The following UBA6 variants were observed in gnomAD, a reference collection of about 807,000 sequenced individuals.
The protein encoded by UBA6 is ubiquitin-like modifier-activating enzyme 6.
A neutral mutation model predicts 148.3 loss-of-function variants in UBA6; 87 were observed. That is an observed-to-expected ratio of 0.59 (90% confidence interval 0.49 to 0.70). The LOEUF is 0.70. UBA6 is among the 30% of genes least tolerant of loss of function. The pLI is 0.00. For synonymous variants in UBA6, 376 were observed against 401.0 expected, an observed-to-expected ratio of 0.94 and a Z score of 0.75; for missense variants, 1,186 against 1,241.2, an observed-to-expected ratio of 0.96 and a Z score of 0.67.
chr4:67,682,055 A>T, intron 3 of UBA6, 64 bp downstream of exon 3: 2 of 1,216,300 alleles, frequency 1.6e-6, no homozygotes, highest in Non-Finnish European at 2.4e-6. Flanking sequence ...GGATGAAGTT[A>T]AGTTATTTAA....
At chr4:67,691,037 A>T (rs1043507014) in intron 2 of UBA6, among the ~76,000 whole-genome samples, 1 of 152,212 alleles carries the variant, frequency 6.6e-6, no homozygotes, top group Admixed American at 6.5e-5. Context: ...TTAAAAATAT[A>T]GTTGTCCCGT....
intron 20 of UBA6, 67 bp from the exon 21 acceptor site, chr4:67,634,585 T>G: frequency 8.3e-7 from 1 of 1,200,802 alleles, no homozygotes. Flanking sequence ...TGATTTAATC[T>G]AGTTTTGAGC....
At chr4:67,668,901 TAGG>T (rs1190187534) in intron 8 of UBA6, among the ~76,000 whole-genome samples, 2 of 152,166 alleles carry the variant, frequency 1.3e-5, no homozygotes, top group African/African-American at 2.4e-5. Context: ...CTATGTTTGG[TAGG>T]AGATGTTCAA....
At chr4:67,656,110 CAAG>C (rs749506230) in intron 13 of UBA6, among the ~76,000 whole-genome samples, 3 of 152,166 alleles carry the variant, frequency 2.0e-5, no homozygotes, top group Non-Finnish European at 4.4e-5. Context: ...ACCAGAGGTA[CAAG>C]GAGGAGCTGG....
Position 67,644,596 on chromosome 4 carries a change from A to C in UBA6, c.1476+102T>G. On this transcript the variant is annotated intron_variant, in intron 17 of 32. Coordinates refer to ENST00000322244, the MANE Select transcript of UBA6 (RefSeq NM_018227.6). ...CTTCCAATTTTTAGTTTAATGCTCT[A>C]TTTTCAAAAAACTGATACTTCAGAT... 6.0e-6 allele frequency: 4 copies of C among 665,464 alleles called. No individual in the cohort carries two copies. In the South Asian group the frequency reaches 8.6e-5, roughly 14 times the overall value. 41.2% of individuals were successfully genotyped at this position (665,464 alleles called of 1,614,324 possible).
At chr4:67,658,172 C>T (rs1729749627) in intron 13 of UBA6, among the ~76,000 whole-genome samples, 3 of 152,060 alleles carry the variant, frequency 2.0e-5, no homozygotes, top group Admixed American at 2.0e-4. Flanking sequence ...ACCATTTGAC[C>T]CAGGAATGCC....
At chr4:67,648,483 T>A (rs1305121669) in intron 14 of UBA6, among the ~76,000 whole-genome samples, 16 of 142,168 alleles carry the variant, frequency 1.1e-4, no homozygotes, top group Middle Eastern at 3.6e-3. Flanking sequence ...AAAAAAAAAA[T>A]TAAAAAAAAA....
In UBA6 at chr4:67,681,514, C is replaced by CA. The variant is rs763169422; in HGVS notation, c.258+48dup. The CA allele has an allele frequency of 1.1e-3, 1,316 of 1,252,212 alleles. 1 individual carries two copies. The highest frequency in any genetic ancestry group is 2.6e-3 in the South Asian group (184 of 70,526). The allele number at this position is 1,252,212 out of a possible 1,614,324, so 77.6% of individuals were successfully genotyped here. A position where few individuals can be genotyped will look rare whatever the true frequency, so the allele number is the denominator to read the frequency against. The stretch of plus-strand genomic sequence containing the variant: ...AACAATATTACCATAACAAATGAGC[C>CA]AAAAAAAAAGGCTCATAACAATTTT... On this transcript the variant is annotated intron_variant, in intron 4 of 32. Transcript: ENST00000322244.
At chr4:67,662,117 A>G (rs761174287) in intron 13 of UBA6, 72 bp downstream of exon 13, 1 of 1,428,604 alleles carries the variant, frequency 7.0e-7, no homozygotes, top group African/African-American at 1.4e-5. Flanking sequence ...GAAGGATAAG[A>G]GAATACTAAT....
chr4:67,670,857 T>A (rs561713239), intron 7 of UBA6, among the ~76,000 whole-genome samples: 1 of 151,880 alleles, frequency 6.6e-6, no homozygotes, highest in African/African-American at 2.4e-5. Flanking sequence ...TAACAAAAAT[T>A]CTGTGACTTT....
At chr4:67,690,466 A>T (rs1730668856) in intron 2 of UBA6, among the ~76,000 whole-genome samples, 1 of 152,114 alleles carries the variant, frequency 6.6e-6, no homozygotes, top group South Asian at 2.1e-4. Flanking sequence ...ATATGAAACT[A>T]AAAACCAGTA....
chr4:67,662,835 T>TA (rs34952044), intron 12 of UBA6: 436 of 221,804 alleles, frequency 2.0e-3, no homozygotes, highest in East Asian at 3.7e-3. Flanking sequence ...GATATAAAGT[T>TA]AAAAAAAAAA....
chr4:67,692,100 G>A (rs1730707650), intron 2 of UBA6, among the ~76,000 whole-genome samples: 1 of 151,998 alleles, frequency 6.6e-6, no homozygotes, highest in South Asian at 2.1e-4. Flanking sequence ...TGCGATTTTG[G>A]TGCACCCATC....
At chr4:67,681,941 G>A (rs191161716) in intron 3 of UBA6, among the ~76,000 whole-genome samples, 178 bp downstream of exon 3, 90 of 152,234 alleles carry the variant, frequency 5.9e-4, no homozygotes, top group Admixed American at 1.0e-3. Flanking sequence ...GTCATTATTG[G>A]TTCTTTGTGG....
intron 13 of UBA6, among the ~76,000 whole-genome samples, chr4:67,661,447 C>G (rs1204937322): frequency 6.6e-6 from 1 of 152,082 alleles, no homozygotes; most frequent in Non-Finnish European, 1.5e-5. Flanking sequence ...ACTGTCCTGC[C>G]ACCCTGTGAA....
intron 18 of UBA6, among the ~76,000 whole-genome samples, chr4:67,640,625 A>C (rs1247565732): frequency 1.3e-5 from 2 of 152,134 alleles, no homozygotes; most frequent in African/African-American, 2.4e-5. Context: ...AACATTCCTA[A>C]AGTAAAAGCA....
Position 67,614,153 on chromosome 4 carries a change from C to T in UBA6, c.*4844G>A, listed in dbSNP as rs960902034. 7.9e-5 allele frequency: 12 copies of T among 152,192 alleles called. No individual in the cohort carries two copies. The highest frequency in any genetic ancestry group is 2.9e-4 in the African/African-American group (12 of 41,426). The allele number at this position is 152,192 out of a possible 1,614,324, so 9.4% of individuals were successfully genotyped here. ...ACCTGAATATTTCCTTCCTATTGAT[C>T]CCAGGTCTTCAGATAAACTCGACCA... On this transcript the variant is annotated 3_prime_UTR_variant, in exon 33 of 33. Transcript: ENST00000322244.
chr4:67,668,506 T>C (rs776900525), intron 9 of UBA6, 45 bp downstream of exon 9: 17 of 1,560,730 alleles, frequency 1.1e-5, no homozygotes, highest in Admixed American at 1.7e-5. Context: ...GAACTATAAA[T>C]TTGCTGAATA....
At chr4:67,686,479 T>C (rs1329947982) in intron 2 of UBA6, among the ~76,000 whole-genome samples, 1 of 152,086 alleles carries the variant, frequency 6.6e-6, no homozygotes. Flanking sequence ...TGTGCAGAGA[T>C]CATAATAACA....
Sources: gnomAD v4.1 joint callset for allele counts (sites outside exome capture counted in the v4.1 genomes callset) on GRCh38, gnomAD v4.1.1 for gene constraint, MANE v1.5 for transcripts, NCBI Gene and HGNC (gene_info 2026-07-23, HGNC 2026-07-21) for gene names.